The following METTL9 variants were observed in gnomAD, a reference collection of about 807,000 sequenced individuals.
The protein encoded by METTL9 is protein-L-histidine N-pros-methyltransferase.
METTL9 carries 10 observed loss-of-function variants against 36.0 expected under a neutral mutation model. The observed-to-expected ratio is 0.28, with a 90% CI of 0.17 to 0.47. METTL9 has a LOEUF of 0.47. Among genes scored for constraint, METTL9 ranks in the 20% least tolerant of loss-of-function variants. The pLI is 0.99. For synonymous variants in METTL9, 175 were observed against 149.7 expected (o/e 1.17, Z -1.23); for missense variants, 246 against 383.5 (o/e 0.64, Z 3.00).
chr16:21,611,599 T>C (rs947660804), intron 1 of METTL9, among the ~76,000 whole-genome samples: 1 of 152,236 alleles, frequency 6.6e-6, no homozygotes, highest in Non-Finnish European at 1.5e-5. Context: ...ATTGTAGGAT[T>C]CTCACTACGT....
chr16:21,606,862 C>G (rs1023821761), intron 1 of METTL9, among the ~76,000 whole-genome samples: 1 of 150,596 alleles, frequency 6.6e-6, no homozygotes. Context: ...GTGCTTAAAT[C>G]CTTTGTATTT....
intron 1 of METTL9, chr16:21,612,340 A>G (rs1033077371): frequency 4.5e-6 from 1 of 221,318 alleles, no homozygotes; most frequent in Middle Eastern, 1.4e-3. Flanking sequence ...CGAGTGCCTG[A>G]GCTGTGGTCT....
At position 21,599,701 on chromosome 16, in the gene METTL9, G is replaced by A. The variant is rs1199141896; in HGVS notation, c.-33G>A. The A allele has an allele frequency of 1.4e-6, 2 of 1,457,268 alleles. No homozygotes were observed. Among genetic ancestry groups the A allele is most frequent in the African/African-American group, 2.9e-5 (2 of 68,266 alleles). The allele number at this position is 1,457,268 out of a possible 1,614,324, so 90.3% of individuals were successfully genotyped here. A position where few individuals can be genotyped will look rare whatever the true frequency, so the allele number is the denominator to read the frequency against. On this transcript the variant is annotated 5_prime_UTR_variant, in exon 1 of 5. Transcript: ENST00000358154. The surrounding 1 kb of genome is among the most constrained non-coding windows in gnomAD (Gnocchi z 4.4). ...GCCTCCTCCTCCTCGCCCCGGCGCC[G>A]GCGGTGATCCGAGCGAGCGGCCGCG...
chr16:21,605,511 C>T (rs921244112), intron 1 of METTL9, among the ~76,000 whole-genome samples: 9 of 151,940 alleles, frequency 5.9e-5, no homozygotes, highest in Middle Eastern at 3.4e-3. Context: ...TCCCAAAGTG[C>T]TGGGATTACA....
At chr16:21,601,925 A>C (rs972149027) in intron 1 of METTL9, among the ~76,000 whole-genome samples, 3 of 152,202 alleles carry the variant, frequency 2.0e-5, no homozygotes, top group Admixed American at 6.5e-5. Flanking sequence ...TCGTGCATGA[A>C]TAAAGATTAA....
In METTL9 at chr16:21,622,141, C is replaced by CTTTTTTTTTTTTTTTTTTTTTTTTTTT; in HGVS notation, c.567-2769_567-2768insTTTTTTTTTTTTTTTTTTTTTTTTTTT. Reference sequence around the variant, plus strand: ...ATAGGTGTGAGCCACCATGCCTGGCCTTTTTTTTTTTTTTTTTTTTTGAGA... The same window carrying CTTTTTTTTTTTTTTTTTTTTTTTTTTT: ...ATAGGTGTGAGCCACCATGCCTGGCCTTTTTTTTTTTTTTTTTTTTTTTTTTTTTTTTTTTTTTTTTTTTTTTTGAGA... On this transcript the variant is annotated intron_variant, in intron 3 of 4. Coordinates refer to ENST00000358154, the MANE Select transcript of METTL9 (RefSeq NM_016025.5). 8.6e-4 allele frequency among the ~76,000 whole-genome samples: 30 copies of CTTTTTTTTTTTTTTTTTTTTTTTTTTT among 34,924 alleles called. 9 individuals carry two copies. Among genetic ancestry groups the CTTTTTTTTTTTTTTTTTTTTTTTTTTT allele is most frequent in the East Asian group, 3.3e-3 (4 of 1,226 alleles). 22.9% of individuals were successfully genotyped at this position (34,924 alleles called of 152,430 possible). A position where few individuals can be genotyped will look rare whatever the true frequency, so the allele number is the denominator to read the frequency against.
intron 3 of METTL9, among the ~76,000 whole-genome samples, chr16:21,620,008 T>A (rs996797566): frequency 6.6e-6 from 1 of 152,148 alleles, no homozygotes; most frequent in East Asian, 1.9e-4. Flanking sequence ...ACATGGAGAT[T>A]TTTAGCCTGG....
At chr16:21,599,039 C>G (rs1965019184), upstream of METTL9, among the ~76,000 whole-genome samples, 1 of 152,074 alleles carries the variant, frequency 6.6e-6, no homozygotes, top group Non-Finnish European at 1.5e-5. The surrounding 1 kb of genome is among the most constrained non-coding windows in gnomAD (Gnocchi z 4.4). Context: ...CTGGAAACTA[C>G]GCATCCGAGC....
intron 4 of METTL9, among the ~76,000 whole-genome samples, chr16:21,647,706 C>T (rs963739869): frequency 1.2e-4 from 18 of 152,152 alleles, no homozygotes; most frequent in Non-Finnish European, 2.5e-4. Context: ...TGTCTGTTCA[C>T]TGGAGGCCAG....
chr16:21,638,144 C>G (rs1296879215), intron 4 of METTL9, among the ~76,000 whole-genome samples: 1 of 152,012 alleles, frequency 6.6e-6, no homozygotes, highest in Non-Finnish European at 1.5e-5. Flanking sequence ...AGAGTGAAAC[C>G]CCATCTCTAC....
chr16:21,627,743 T>G (rs1230430685), intron 4 of METTL9, among the ~76,000 whole-genome samples: 3 of 152,092 alleles, frequency 2.0e-5, no homozygotes, highest in African/African-American at 7.2e-5. Context: ...GGTCAGGAGA[T>G]CGAGACCATC....
chr16:21,599,447 A>T, upstream of METTL9: 1 of 1,143,642 alleles, frequency 8.7e-7, no homozygotes, highest in Non-Finnish European at 1.1e-6. This position sits in a 1 kb window ranked among gnomAD's most constrained non-coding sequence, Gnocchi z 4.4. Context: ...CATTGGACGG[A>T]GGGAGGGCGC....
chr16:21,611,946 T>C (rs2152893639), intron 1 of METTL9, among the ~76,000 whole-genome samples: 1 of 152,334 alleles, frequency 6.6e-6, no homozygotes, highest in African/African-American at 2.4e-5. Context: ...GTTCTTAGCA[T>C]GTTACTATTT....
chr16:21,657,003 C>T lies in METTL9; in HGVS notation c.*1571C>T, dbSNP rs778298688. ...AAGAGGAAATGAGAAAACTTAATGTCGTTCTTGTACAGTTGAGTTTTGCTT... is the reference window on the plus strand; with the variant it reads ...AAGAGGAAATGAGAAAACTTAATGTTGTTCTTGTACAGTTGAGTTTTGCTT... On this transcript the variant is annotated 3_prime_UTR_variant, in exon 5 of 5. Coordinates refer to ENST00000358154, the MANE Select transcript of METTL9 (RefSeq NM_016025.5). 6.6e-5 allele frequency: 10 copies of T among 151,958 alleles called. No individual in the cohort carries two copies. Among genetic ancestry groups the T allele is most frequent in the South Asian group, 2.1e-4 (1 of 4,818 alleles). 9.4% of individuals were successfully genotyped at this position (151,958 alleles called of 1,614,324 possible). A position where few individuals can be genotyped will look rare whatever the true frequency, so the allele number is the denominator to read the frequency against.
At chr16:21,646,206 A>G (rs1966424588) in intron 4 of METTL9, among the ~76,000 whole-genome samples, 1 of 151,448 alleles carries the variant, frequency 6.6e-6, no homozygotes, top group Non-Finnish European at 1.5e-5. Flanking sequence ...CAAGGGAATG[A>G]CTTGGTGAAA....
At chr16:21,600,104 CTTTTGT>C (rs1453340474) in intron 1 of METTL9, among the ~76,000 whole-genome samples, 8 of 152,114 alleles carry the variant, frequency 5.3e-5, no homozygotes, top group Non-Finnish European at 1.0e-4. Flanking sequence ...CCGCGAGCGC[CTTTTGT>C]TCCGCAGCGC....
intron 2 of METTL9, among the ~76,000 whole-genome samples, chr16:21,614,877 A>G (rs916641393): frequency 1.3e-5 from 2 of 152,170 alleles, no homozygotes; most frequent in African/African-American, 4.8e-5. Context: ...GTTAAACCCA[A>G]ATTAGAGGGT....
intron 1 of METTL9, among the ~76,000 whole-genome samples, chr16:21,608,448 T>C (rs1310556776): frequency 1.3e-5 from 2 of 152,182 alleles, no homozygotes; most frequent in Non-Finnish European, 2.9e-5. Context: ...GGAATGTAAG[T>C]TCTCTGAGGC....
At chr16:21,597,994 C>T (rs1214871505), upstream of METTL9, 3 of 152,192 alleles carry the variant, frequency 2.0e-5, no homozygotes, top group East Asian at 5.8e-4. Context: ...CAGCCTGTTA[C>T]ATTAGGCAAC....
Sources: allele counts gnomAD v4.1 joint callset (sites outside exome capture counted in the v4.1 genomes callset), GRCh38; gene constraint gnomAD v4.1.1; non-coding constraint Gnocchi (gnomAD v3.1); transcripts MANE v1.5; gene names NCBI Gene and HGNC (gene_info 2026-07-23, HGNC 2026-07-21).